The following ALOX5 variants were observed in gnomAD, a reference collection of about 807,000 sequenced individuals.
ALOX5 encodes the protein arachidonate 5-lipoxygenase, also known as polyunsaturated fatty acid 5-lipoxygenase.
In ALOX5, 64 loss-of-function variants were observed where a neutral mutation model predicts 87.9. That is an observed-to-expected ratio of 0.73 (90% confidence interval 0.60 to 0.90). The LOEUF (loss-of-function observed/expected upper bound fraction) is 0.90, where lower values mean the gene tolerates loss of function less well. ALOX5 is among the 40% of genes least tolerant of loss of function. The pLI is 0.00. For missense variants in ALOX5, 822 were observed against 907.5 expected (o/e 0.91, Z 1.21); for synonymous variants, 388 against 355.1 (o/e 1.09, Z -1.04).
At chr10:45,406,727 A>G (rs961483115) in intron 3 of ALOX5, among the ~76,000 whole-genome samples, 1 of 152,092 alleles carries the variant, frequency 6.6e-6, no homozygotes. Flanking sequence ...GAATTCTTTC[A>G]TTGGTTCTAA....
At chr10:45,403,147 T>A (rs532315745) in intron 3 of ALOX5, among the ~76,000 whole-genome samples, 4 of 152,300 alleles carry the variant, frequency 2.6e-5, no homozygotes, top group Admixed American at 1.3e-4. Context: ...TATAGTGGGA[T>A]CCAAATTTGT....
chr10:45,375,681 C>T (rs1442385825), intron 1 of ALOX5, among the ~76,000 whole-genome samples: 3 of 151,342 alleles, frequency 2.0e-5, no homozygotes, highest in Admixed American at 1.3e-4. Context: ...ATTCCAAGCT[C>T]TCCATGGGCT....
chr10:45,405,373 G>A (rs947614540), intron 3 of ALOX5, among the ~76,000 whole-genome samples: 4 of 152,192 alleles, frequency 2.6e-5, no homozygotes, highest in Non-Finnish European at 4.4e-5. Context: ...AAATCCCTAA[G>A]ACCTTGTGGT....
chr10:45,416,792 A>T (rs950851508), intron 4 of ALOX5, among the ~76,000 whole-genome samples: 3 of 151,978 alleles, frequency 2.0e-5, no homozygotes, highest in Non-Finnish European at 4.4e-5. Flanking sequence ...AAATTGATAT[A>T]CGGATGGATG....
intron 6 of ALOX5, 175 bp from the exon 7 acceptor site, chr10:45,428,443 C>A: frequency 2.6e-6 from 2 of 777,598 alleles, no homozygotes; most frequent in Non-Finnish European, 4.0e-6. Context: ...AACCTGTGAA[C>A]ACCTTCCATG....
At chr10:45,376,449 CT>C (rs1839617464) in intron 1 of ALOX5, among the ~76,000 whole-genome samples, 2 of 152,180 alleles carry the variant, frequency 1.3e-5, no homozygotes, top group Admixed American at 1.3e-4. Flanking sequence ...TTACTCAACA[CT>C]TTCTCTTGCC....
chr10:45,389,010 A>G (rs1840102779), intron 2 of ALOX5, among the ~76,000 whole-genome samples: 1 of 152,248 alleles, frequency 6.6e-6, no homozygotes, highest in Non-Finnish European at 1.5e-5. Flanking sequence ...GACCTGATGG[A>G]GCTGAAAAAC....
chr10:45,419,527 G>A (rs1841426671), intron 4 of ALOX5, among the ~76,000 whole-genome samples: 1 of 152,224 alleles, frequency 6.6e-6, no homozygotes, highest in Non-Finnish European at 1.5e-5. Context: ...CCGCAGGCCA[G>A]CCACATGCCC....
chr10:45,428,038 C>G (rs866303311), intron 6 of ALOX5, among the ~76,000 whole-genome samples: 63 of 151,862 alleles, frequency 4.1e-4, no homozygotes, highest in Middle Eastern at 6.8e-3. Context: ...GAAACACGCT[C>G]ATTCCCGCCC....
chr10:45,390,602 A>T (rs147716618), intron 2 of ALOX5, among the ~76,000 whole-genome samples: 3,428 of 152,372 alleles, frequency 0.022, 126 homozygotes, highest in African/African-American at 0.078. Flanking sequence ...CTGGGTACAT[A>T]ACGAAATGAA....
chr10:45,411,551 G>A (rs1258321303), intron 3 of ALOX5, among the ~76,000 whole-genome samples: 1 of 152,232 alleles, frequency 6.6e-6, no homozygotes, highest in Non-Finnish European at 1.5e-5. Flanking sequence ...CATGTTTACT[G>A]GATGCAGTCC....
intron 1 of ALOX5, among the ~76,000 whole-genome samples, chr10:45,382,047 T>C (rs998213898): frequency 1.3e-5 from 2 of 152,208 alleles, no homozygotes; most frequent in Admixed American, 6.5e-5. Context: ...CTTAAAAAGA[T>C]GAAGACCCCA....
intron 6 of ALOX5, chr10:45,428,407 T>C (rs905085362): frequency 3.4e-6 from 2 of 587,684 alleles, no homozygotes; most frequent in African/African-American, 3.7e-5. Context: ...CTGCTGCCAT[T>C]CCTTCATCTT....
chr10:45,384,545 C>T (rs1839949167), intron 2 of ALOX5, among the ~76,000 whole-genome samples: 1 of 152,174 alleles, frequency 6.6e-6, no homozygotes, highest in African/African-American at 2.4e-5. Flanking sequence ...GGCTCCTTGG[C>T]CTCTCTGTCC....
At chr10:45,391,566 G>A (rs566974766) in intron 2 of ALOX5, among the ~76,000 whole-genome samples, 1 of 152,076 alleles carries the variant, frequency 6.6e-6, no homozygotes, top group East Asian at 2.0e-4. Context: ...CGTCTGGGAT[G>A]TAAGGAGCCC....
chr10:45,427,593 G>C (rs927741093), intron 6 of ALOX5, among the ~76,000 whole-genome samples: 5 of 152,220 alleles, frequency 3.3e-5, no homozygotes, highest in Admixed American at 2.0e-4. Flanking sequence ...CTGCAGGGGG[G>C]CGCTCTGGGA....
intron 2 of ALOX5, among the ~76,000 whole-genome samples, chr10:45,385,858 G>A (rs1173930229): frequency 6.6e-6 from 1 of 152,146 alleles, no homozygotes; most frequent in Non-Finnish European, 1.5e-5. Flanking sequence ...GTGCTGTCGG[G>A]TGGACAGCTC....
Position 45,382,521 on chromosome 10 carries a change from C to A in ALOX5, c.189C>A (p.Gly63=). 1 of 1,614,142 alleles carries A rather than the reference C, an allele frequency of 6.2e-7. No individual in the cohort carries two copies. Among genetic ancestry groups the A allele is most frequent in the Non-Finnish European group, 8.5e-7 (1 of 1,180,032 alleles). Residue 63 remains glycine, a synonymous_variant, in exon 2 of 14, where the codon GGC becomes GGA. Transcript: ENST00000374391. The part of the protein sequence containing the change: ...SYDVTVDEEL[G]EIQLVRIEKR... ...ACGTGACTGTGGACGAGGAACTGGG[C>A]GAGATCCAGCTGGTCAGAATCGAGA...
At chr10:45,419,540 T>C (rs568536525) in intron 4 of ALOX5, among the ~76,000 whole-genome samples, 2 of 152,186 alleles carry the variant, frequency 1.3e-5, no homozygotes, top group Non-Finnish European at 2.9e-5. Flanking sequence ...ACATGCCCCG[T>C]GCTCCAGACG....
Sources: allele counts gnomAD v4.1 joint callset (sites outside exome capture counted in the v4.1 genomes callset), GRCh38; gene constraint gnomAD v4.1.1; transcripts MANE v1.5; gene names NCBI Gene and HGNC (gene_info 2026-07-23, HGNC 2026-07-21).